The following ERC2 variants were observed in gnomAD, a reference collection of about 807,000 sequenced individuals.
The protein encoded by ERC2 is ELKS/RAB6-interacting/CAST family member 2, also known as ERC protein 2.
ERC2 carries 42 observed loss-of-function variants against 114.8 expected under a neutral mutation model. That is an observed-to-expected ratio of 0.37 (90% CI 0.29 to 0.47). The LOEUF (loss-of-function observed/expected upper bound fraction) is 0.47, where lower values mean the gene tolerates loss of function less well. Among genes scored for constraint, ERC2 ranks in the 20% least tolerant of loss-of-function variants. ERC2 has a pLI of 0.99. For missense variants in ERC2, 939 were observed against 1,150.7 expected (o/e 0.82, Z 2.66); for synonymous variants, 454 against 425.5 (o/e 1.07, Z -0.82).
chr3:55,716,691 A>G (rs2064140059), intron 15 of ERC2, among the ~76,000 whole-genome samples: 1 of 152,170 alleles, frequency 6.6e-6, no homozygotes, highest in Admixed American at 6.5e-5. Context: ...CTGTGGATCA[A>G]CTGTCTGTCT....
intron 14 of ERC2, among the ~76,000 whole-genome samples, chr3:55,767,290 C>G (rs761386087): frequency 3.9e-5 from 6 of 152,166 alleles, no homozygotes; most frequent in Non-Finnish European, 1.5e-5. Flanking sequence ...GTGCCAGCTT[C>G]CAAGTCACTA....
intron 6 of ERC2, among the ~76,000 whole-genome samples, chr3:56,084,272 AAAT>A (rs2077390462): frequency 6.6e-6 from 1 of 152,160 alleles, no homozygotes; most frequent in Admixed American, 6.5e-5. Context: ...GTGGGAATGT[AAAT>A]TAGTAAAACC....
intron 2 of ERC2, among the ~76,000 whole-genome samples, chr3:56,420,994 T>C (rs1019662208): frequency 6.6e-6 from 1 of 151,980 alleles, no homozygotes; most frequent in African/African-American, 2.4e-5. Flanking sequence ...TGATAGTATA[T>C]AAAAGCGCCA....
chr3:56,227,412 CTT>C (rs796088195), intron 3 of ERC2, among the ~76,000 whole-genome samples: 4 of 136,122 alleles, frequency 2.9e-5, no homozygotes, highest in African/African-American at 2.6e-5. Flanking sequence ...CCTCTCTGCT[CTT>C]TTTTTTTTTT....
intron 3 of ERC2, among the ~76,000 whole-genome samples, chr3:56,282,062 C>T (rs2054384789): frequency 6.6e-6 from 1 of 152,140 alleles, no homozygotes; most frequent in South Asian, 2.1e-4. Flanking sequence ...GTGCAAAGTG[C>T]TTTGCATAGG....
At chr3:55,985,935 T>G in intron 12 of ERC2, 42 bp downstream of exon 12, 1 of 1,525,056 alleles carries the variant, frequency 6.6e-7, no homozygotes. Flanking sequence ...AAATTGAGCT[T>G]AGGAGGGAAA....
At position 56,088,832 on chromosome 3, in the gene ERC2, C is replaced by G. The variant is rs2077638484; in HGVS notation, c.1474-7848G>C. On this transcript the variant is annotated intron_variant, in intron 6 of 17. Coordinates refer to ENST00000288221, the MANE Select transcript of ERC2 (RefSeq NM_015576.3). ...TAAATAACACATGTAAAGCACTTAGCATGGTACCTGGCACTTAGAAACCCT... is the reference window on the plus strand; with the variant it reads ...TAAATAACACATGTAAAGCACTTAGGATGGTACCTGGCACTTAGAAACCCT... Among the ~76,000 whole-genome samples, 2 of 152,118 alleles carry G rather than the reference C, an allele frequency of 1.3e-5. 1 individual carries two copies. The highest frequency in any genetic ancestry group is 4.1e-4 in the South Asian group (2 of 4,830).
chr3:56,297,255 C>T (rs540735770), intron 2 of ERC2, among the ~76,000 whole-genome samples: 1 of 151,636 alleles, frequency 6.6e-6, no homozygotes, highest in East Asian at 1.9e-4. Context: ...ATTCTAATTA[C>T]AGCAAAGACC....
intron 14 of ERC2, among the ~76,000 whole-genome samples, chr3:55,867,726 T>A (rs571475862): frequency 4.7e-4 from 71 of 152,270 alleles, no homozygotes; most frequent in Non-Finnish European, 5.9e-4. Flanking sequence ...TCTATTTTTT[T>A]AAAAAGATAA....
chr3:55,864,415 G>A (rs2062201656), intron 14 of ERC2, among the ~76,000 whole-genome samples: 1 of 151,814 alleles, frequency 6.6e-6, no homozygotes, highest in African/African-American at 2.4e-5. Context: ...AGGAGTTACT[G>A]TGAGATTCAG....
At chr3:55,997,929 G>GTTT (rs112402531) in intron 10 of ERC2, among the ~76,000 whole-genome samples, 3 of 57,820 alleles carry the variant, frequency 5.2e-5, no homozygotes, top group Non-Finnish European at 9.5e-5. Context: ...TGTGTTTTTT[G>GTTT]TTTTTTTTTT....
intron 17 of ERC2, among the ~76,000 whole-genome samples, chr3:55,609,836 T>G (rs1575757899): frequency 6.6e-6 from 1 of 152,198 alleles, no homozygotes; most frequent in East Asian, 1.9e-4. Flanking sequence ...GGTCCTCTGC[T>G]TTGGTCAAAG....
chr3:56,243,703 G>T (rs1290237558), intron 3 of ERC2, among the ~76,000 whole-genome samples: 1 of 152,168 alleles, frequency 6.6e-6, no homozygotes, highest in African/African-American at 2.4e-5. Context: ...CATTTGGGAT[G>T]AGGGAAGAAT....
At chr3:56,126,677 C>G (rs1341785210) in intron 6 of ERC2, among the ~76,000 whole-genome samples, 1 of 151,626 alleles carries the variant, frequency 6.6e-6, no homozygotes. Context: ...ATTGCTTGAG[C>G]CCAGGAGTTC....
chr3:55,814,538 T>C (rs965708659), intron 14 of ERC2, among the ~76,000 whole-genome samples: 37 of 152,224 alleles, frequency 2.4e-4, no homozygotes, highest in African/African-American at 8.9e-4. Flanking sequence ...AGGGCTTATG[T>C]AAAGAAAGCC....
intron 3 of ERC2, among the ~76,000 whole-genome samples, chr3:56,183,919 T>C (rs542222174): frequency 9.2e-5 from 14 of 152,194 alleles, no homozygotes; most frequent in Admixed American, 7.9e-4. Flanking sequence ...ATAAAGATAT[T>C]TGTCATACAC....
At chr3:56,412,581 T>C (rs1357341495) in intron 2 of ERC2, among the ~76,000 whole-genome samples, 4 of 152,148 alleles carry the variant, frequency 2.6e-5, no homozygotes, top group Non-Finnish European at 5.9e-5. Flanking sequence ...TTCTTCAGTA[T>C]CTCATATCTA....
At chr3:55,526,064 A>T (rs1467664804) in intron 17 of ERC2, among the ~76,000 whole-genome samples, 1 of 152,230 alleles carries the variant, frequency 6.6e-6, no homozygotes, top group Non-Finnish European at 1.5e-5. Flanking sequence ...TTGGACACAG[A>T]GACACAGAAT....
chr3:55,799,450 C>CATATATATATATAT (rs59209006), intron 14 of ERC2, among the ~76,000 whole-genome samples: 34 of 106,132 alleles, frequency 3.2e-4, no homozygotes, highest in South Asian at 1.0e-3. Flanking sequence ...TATATATATG[C>CATATATATATATAT]ATATATATAT....
Sources: gnomAD v4.1 joint callset for allele counts (sites outside exome capture counted in the v4.1 genomes callset) on GRCh38, gnomAD v4.1.1 for gene constraint, MANE v1.5 for transcripts, NCBI Gene and HGNC (gene_info 2026-07-23, HGNC 2026-07-21) for gene names.